Variants in MTSS2 observed in about 807,000 individuals in gnomAD.
MTSS2 encodes protein MTSS 2.
In MTSS2, 27 loss-of-function variants were observed where a neutral mutation model predicts 67.1. The ratio of observed to expected loss-of-function variants is 0.40; its 90% CI spans 0.30 to 0.55. The LOEUF (loss-of-function observed/expected upper bound fraction) is 0.55. Among genes scored for constraint, MTSS2 ranks in the 20% least tolerant of loss-of-function variants. The pLI, the probability that MTSS2 is intolerant of heterozygous loss-of-function variation, is 0.43. For synonymous variants in MTSS2, 624 were observed against 468.6 expected (o/e 1.33, Z -4.28); for missense variants, 1,171 against 1,067.8 (o/e 1.10, Z -1.35).
intron 11 of MTSS2, 69 bp from the exon 12 acceptor site, chr16:70,665,609 A>G (rs76835111): frequency 7.2e-7 from 1 of 1,392,104 alleles, no homozygotes; most frequent in Non-Finnish European, 9.8e-7. Flanking sequence ...GAGAGGAGAG[A>G]ACAGTTTTGG....
chr16:70,665,198 G>A (rs779310106), intron 12 of MTSS2, 102 bp from the exon 13 acceptor site: 1 of 1,341,800 alleles, frequency 7.5e-7, no homozygotes, highest in Non-Finnish European at 1.0e-6. Context: ...AGGGCTATCA[G>A]GGGGTCTCTG....
Position 70,680,990 on chromosome 16 carries a change from CTTGGAG to C in MTSS2, c.99_104del (p.Asn33_Ser34del). ...TCAGCTGGGAATGCAGCTTCGTGGCCTTGGAGTTGAAGTCCTCCCAGATAGGGTAGG... is the reference window on the plus strand; with the variant it reads ...TCAGCTGGGAATGCAGCTTCGTGGCCTTGAAGTCCTCCCAGATAGGGTAGG... On this transcript the variant is annotated inframe_deletion, in exon 2 of 15. Transcript: ENST00000338779. The C allele has an allele frequency of 6.2e-7, 1 of 1,610,110 alleles. No individual in the cohort carries two copies. The highest frequency in any genetic ancestry group is 8.5e-7 in the Non-Finnish European group (1 of 1,178,672).
intron 14 of MTSS2, 36 bp from the exon 15 acceptor site, chr16:70,664,485 G>C (rs549493942): frequency 6.5e-7 from 1 of 1,543,102 alleles, no homozygotes; most frequent in Non-Finnish European, 8.7e-7. Flanking sequence ...CCAGGGCCCA[G>C]GTGGCCCCTT....
intron 9 of MTSS2, 91 bp from the exon 10 acceptor site, chr16:70,677,069 C>T (rs2053141672): frequency 1.0e-6 from 1 of 1,004,310 alleles, no homozygotes; most frequent in Non-Finnish European, 1.5e-6. Context: ...TTGTGAACCA[C>T]ATCCCAGGAG....
At chr16:70,681,402 A>G (rs1043963311) in intron 1 of MTSS2, among the ~76,000 whole-genome samples, 1 of 152,244 alleles carries the variant, frequency 6.6e-6, no homozygotes, top group Non-Finnish European at 1.5e-5. Context: ...AATGAGAGGC[A>G]TCGTGTCTCC....
Position 70,664,405 on chromosome 16 carries a change from C to T in MTSS2, c.1516G>A (p.Glu506Lys), listed in dbSNP as rs760250020. Residue 506 changes from glutamate (E) to lysine (K), a missense_variant, in exon 15 of 15, where the codon GAG becomes AAG. By Grantham distance (56) the Glu-to-Lys change is moderately conservative. This residue lies in a region of MTSS2 where 924 missense variants were observed against 756.0 expected (regional missense o/e 1.22). Transcript: ENST00000338779. ...GACTTGTCAAACTCGGGCGGGCCCT[C>T]GCTGTCCGCATCCCCATTCACGGAG... ...CYSVNGDADS[E>K]GPPEFDKSST... 1.3e-5 allele frequency: 20 copies of T among 1,555,178 alleles called. No individual in the cohort carries two copies. Among genetic ancestry groups the T allele is most frequent in the Admixed American group, 8.0e-5 (4 of 49,988 alleles).
intron 1 of MTSS2, among the ~76,000 whole-genome samples, chr16:70,684,890 G>A (rs2053405911): frequency 6.6e-6 from 1 of 152,172 alleles, no homozygotes; most frequent in African/African-American, 2.4e-5. Context: ...TGGGGGCTGA[G>A]GTCAGGGGAA....
In MTSS2 at chr16:70,663,635, C is replaced by T; in HGVS notation, c.*42G>A. 6.6e-7 allele frequency: 1 copy of T among 1,510,550 alleles called. No individual in the cohort carries two copies. The highest frequency in any genetic ancestry group is 1.3e-5 in the South Asian group (1 of 75,802). 93.6% of individuals were successfully genotyped at this position (1,510,550 alleles called of 1,614,324 possible). A position where few individuals can be genotyped will look rare whatever the true frequency, so the allele number is the denominator to read the frequency against. ...GCCTGCGGCTCACAGACCAGGCCAC[C>T]TGCTCGCACTGGGGCCTGAGAGGAT... On this transcript the variant is annotated 3_prime_UTR_variant, in exon 15 of 15. Coordinates refer to ENST00000338779, the MANE Select transcript of MTSS2 (RefSeq NM_138383.3).
chr16:70,674,185 C>T, intron 11 of MTSS2, 121 bp downstream of exon 11: 1 of 767,640 alleles, frequency 1.3e-6, no homozygotes, highest in South Asian at 1.8e-5. Flanking sequence ...TGGGGGCCTT[C>T]AGGCCAGTCT....
chr16:70,685,734 T>G lies in MTSS2; in HGVS notation c.58A>C (p.Asn20His). ...ALGGLFQAIV[N>H]DMKSSYPIWE... ...CGCGCCCCGGTTACCTTCATGTCGT[T>G]GACTATGGCCTGGAAGAGCCCGCCC... Residue 20 changes from asparagine to histidine, a missense_variant, in exon 1 of 15, where the codon AAC becomes CAC. This residue lies in a region of MTSS2 where 247 missense variants were observed against 311.8 expected (regional missense o/e 0.79). Transcript: ENST00000338779. 1 of 1,380,306 alleles carries G rather than the reference T, an allele frequency of 7.2e-7. No homozygotes were observed. Among genetic ancestry groups the G allele is most frequent in the Non-Finnish European group, 9.6e-7 (1 of 1,046,246 alleles). 85.5% of individuals were successfully genotyped at this position (1,380,306 alleles called of 1,614,324 possible). A position where few individuals can be genotyped will look rare whatever the true frequency, so the allele number is the denominator to read the frequency against.
chr16:70,673,978 G>A (rs181109116), intron 11 of MTSS2, among the ~76,000 whole-genome samples: 17 of 152,070 alleles, frequency 1.1e-4, no homozygotes, highest in Admixed American at 6.6e-4. Flanking sequence ...AAAGAAGAAA[G>A]CCAGAAGTCC....
Position 70,678,403 on chromosome 16 carries a change from C to T in MTSS2, c.473G>A (p.Gly158Glu). The T allele has an allele frequency of 6.2e-7, 1 of 1,610,114 alleles. No homozygotes were observed. The highest frequency in any genetic ancestry group is 1.1e-5 in the South Asian group (1 of 90,788). ...KKARKELLGKGDLQPQLDSAL... is the reference protein window; with the variant it reads ...KKARKELLGKEDLQPQLDSAL... ...ACTGTCCAGCTGGGGCTGCAGGTCT[C>T]CTTTCCCTGGAGGGGTGGGGAGGAG... The change falls in exon 8 of 15, where the codon GGA becomes GAA. Residue 158 changes from glycine to glutamate, a missense_variant. Coordinates refer to ENST00000338779, the MANE Select transcript of MTSS2 (RefSeq NM_138383.3).
intron 5 of MTSS2, 34 bp downstream of exon 5, chr16:70,679,752 G>C (rs770202740): frequency 5.0e-6 from 8 of 1,610,058 alleles, no homozygotes; most frequent in African/African-American, 4.0e-5. Flanking sequence ...CTGCGGAGTG[G>C]GGGGTGGGAA....
At chr16:70,671,636 TAGAG>T (rs918906076) in intron 11 of MTSS2, among the ~76,000 whole-genome samples, 9 of 152,108 alleles carry the variant, frequency 5.9e-5, no homozygotes, top group African/African-American at 1.7e-4. Flanking sequence ...ATGCCAAAAT[TAGAG>T]AGCAAAAGTA....
Position 70,664,738 on chromosome 16 carries a change from G to A in MTSS2, c.1331C>T (p.Ala444Val). The A allele has an allele frequency of 6.2e-7, 1 of 1,612,428 alleles. No homozygotes were observed. Among genetic ancestry groups the A allele is most frequent in the East Asian group, 2.2e-5 (1 of 44,856 alleles). ...CGTCAGCACCATGGCCAGGTCACTGGCGGCGGGGGACACCTCCTCACCGTG... is the reference window on the plus strand; with the variant it reads ...CGTCAGCACCATGGCCAGGTCACTGACGGCGGGGGACACCTCCTCACCGTG... ...AKHGEEVSPA[A>V]SDLAMVLTRG... Residue 444 changes from alanine (A) to valine (V), a missense_variant, in exon 14 of 15, where the codon GCC (alanine) becomes GTC (valine). This residue lies in a region of MTSS2 where 924 missense variants were observed against 756.0 expected (regional missense o/e 1.22). Coordinates refer to ENST00000338779, the MANE Select transcript of MTSS2 (RefSeq NM_138383.3).
In MTSS2 at chr16:70,663,641, G is replaced by T; in HGVS notation, c.*36C>A. 2.6e-6 allele frequency: 4 copies of T among 1,520,570 alleles called. No individual in the cohort carries two copies. The highest frequency in any genetic ancestry group is 3.5e-6 in the Non-Finnish European group (4 of 1,134,062). The allele number at this position is 1,520,570 out of a possible 1,614,324, so 94.2% of individuals were successfully genotyped here. A position where few individuals can be genotyped will look rare whatever the true frequency, so the allele number is the denominator to read the frequency against. Reference sequence around the variant, plus strand: ...GGCTCACAGACCAGGCCACCTGCTCGCACTGGGGCCTGAGAGGATGGGGAG... The same window carrying T: ...GGCTCACAGACCAGGCCACCTGCTCTCACTGGGGCCTGAGAGGATGGGGAG... On this transcript the variant is annotated 3_prime_UTR_variant, in exon 15 of 15. Coordinates refer to ENST00000338779, the MANE Select transcript of MTSS2 (RefSeq NM_138383.3).
At chr16:70,665,301 T>A in intron 12 of MTSS2, 165 bp downstream of exon 12, 1 of 927,242 alleles carries the variant, frequency 1.1e-6, no homozygotes, top group Non-Finnish European at 1.6e-6. Context: ...GTGTGGGCAG[T>A]GACTGTAGGA....
chr16:70,665,273 C>T (rs2052668110), intron 12 of MTSS2, 177 bp from the exon 13 acceptor site: 5 of 933,736 alleles, frequency 5.4e-6, no homozygotes, highest in South Asian at 1.7e-5. Flanking sequence ...CCACCAGGCC[C>T]AGGGGTAAGA....
chr16:70,676,918 G>A lies in MTSS2; in HGVS notation c.793C>T (p.Pro265Ser). The A allele has an allele frequency of 1.2e-6, 2 of 1,613,848 alleles. No individual in the cohort carries two copies. The highest frequency in any genetic ancestry group is 1.7e-6 in the Non-Finnish European group (2 of 1,179,980). The change falls in exon 10 of 15, where the codon CCC (proline) becomes TCC (serine). Residue 265 changes from proline to serine, a missense_variant. Coordinates refer to ENST00000338779, the MANE Select transcript of MTSS2 (RefSeq NM_138383.3). ...SWSYQTPPSS[P>S]SSSSSRKSSM... The stretch of plus-strand genomic sequence containing the variant: ...GACTTCCGGGAGCTGGAGCTGCTGG[G>A]TGATGAGGGTGGGGTCTGGTAGGAC...
Sources: allele counts gnomAD v4.1 joint callset (sites outside exome capture counted in the v4.1 genomes callset), GRCh38; gene constraint gnomAD v4.1.1; regional missense constraint gnomAD v4.1.1; transcripts MANE v1.5; gene names NCBI Gene and HGNC (gene_info 2026-07-23, HGNC 2026-07-21).